The following SPECC1 variants were observed in gnomAD, a reference collection of about 807,000 sequenced individuals.
The protein encoded by SPECC1 is sperm antigen with calponin homology and coiled-coil domains 1.
A neutral mutation model predicts 104.1 loss-of-function variants in SPECC1; 62 were observed. The observed-to-expected ratio is 0.60, with a 90% confidence interval of 0.49 to 0.74. The LOEUF (loss-of-function observed/expected upper bound fraction) is 0.74. Ranked by LOEUF, SPECC1 falls within the 30% of genes least tolerant of loss-of-function variation. The pLI, the probability that SPECC1 is intolerant of heterozygous loss-of-function variation, is 0.00. For missense variants in SPECC1, 1,306 were observed against 1,310.5 expected (o/e 1.00, Z 0.05); for synonymous variants, 513 against 501.6 (o/e 1.02, Z -0.30).
In SPECC1 at chr17:20,205,703, G is replaced by C. The variant is rs375826466; in HGVS notation, c.1654G>C (p.Gly552Arg). ...CTTGGAAGGGCTAAAAATGGAGAAT[G>C]GATCTTTGAAGTCTCATTTGCAGGG... ...VTLEGLKMEN[G>R]SLKSHLQGEK... The change falls in exon 4 of 15, where the codon GGA (glycine) becomes CGA (arginine). Residue 552 changes from glycine to arginine, a missense_variant. Coordinates refer to ENST00000395527, the MANE Select transcript of SPECC1 (RefSeq NM_001243439.2). The C allele has an allele frequency of 6.2e-6, 10 of 1,614,190 alleles. No individual in the cohort carries two copies. In the East Asian group the frequency reaches 2.0e-4, roughly 32 times the overall value.
intron 12 of SPECC1, among the ~76,000 whole-genome samples, chr17:20,281,192 G>C (rs2040759007): frequency 6.6e-6 from 1 of 152,170 alleles, no homozygotes; most frequent in African/African-American, 2.4e-5. Context: ...ATGTCAATTA[G>C]CCTGCGGTGA....
chr17:20,187,067 C>G (rs1287749890), intron 3 of SPECC1, among the ~76,000 whole-genome samples: 3 of 151,960 alleles, frequency 2.0e-5, no homozygotes, highest in African/African-American at 7.3e-5. Context: ...TTTTGGAATA[C>G]TTGCATTATA....
intron 2 of SPECC1, among the ~76,000 whole-genome samples, chr17:20,105,371 T>C (rs894303968): frequency 1.3e-5 from 2 of 152,206 alleles, no homozygotes; most frequent in African/African-American, 4.8e-5. Context: ...TTCTCCATTT[T>C]AGAATTGAGG....
chr17:20,021,660 G>GATATAT (rs34412987), intron 1 of SPECC1, among the ~76,000 whole-genome samples: 18 of 140,648 alleles, frequency 1.3e-4, no homozygotes, highest in African/African-American at 3.5e-4. Context: ...CCAAGGCTCT[G>GATATAT]ATATATATAT....
intron 3 of SPECC1, among the ~76,000 whole-genome samples, chr17:20,174,844 A>T (rs562811340): frequency 1.3e-5 from 2 of 151,756 alleles, no homozygotes; most frequent in Admixed American, 6.6e-5. Context: ...CTCCTTGCCG[A>T]CCTCACCAGG....
chr17:20,149,660 A>G (rs1567878435), intron 3 of SPECC1, among the ~76,000 whole-genome samples: 1 of 152,140 alleles, frequency 6.6e-6, no homozygotes, highest in South Asian at 2.1e-4. Flanking sequence ...TTTTGCTGTC[A>G]TATATCATAG....
chr17:20,186,127 T>G (rs2035258156), intron 3 of SPECC1, among the ~76,000 whole-genome samples: 1 of 152,204 alleles, frequency 6.6e-6, no homozygotes, highest in Admixed American at 6.5e-5. Flanking sequence ...CATGAGCCAC[T>G]GCACCCAGCT....
chr17:20,212,594 A>ACCTCCCACTGGGGTC (rs1248845173), intron 4 of SPECC1, among the ~76,000 whole-genome samples: 4 of 152,018 alleles, frequency 2.6e-5, no homozygotes, highest in Non-Finnish European at 5.9e-5. Flanking sequence ...TGATTCAATT[A>ACCTCCCACTGGGGTC]CCTCCCACTG....
intron 1 of SPECC1, among the ~76,000 whole-genome samples, chr17:20,024,559 A>T (rs781265591): frequency 2.6e-5 from 4 of 152,162 alleles, no homozygotes; most frequent in African/African-American, 9.7e-5. Flanking sequence ...TCTCTGTCTC[A>T]GAGGGAGATG....
At chr17:20,306,193 T>A in intron 14 of SPECC1, 111 bp downstream of exon 14, 1 of 981,658 alleles carries the variant, frequency 1.0e-6, no homozygotes, top group Non-Finnish European at 1.6e-6. Context: ...GCCGAAAGTC[T>A]GTTGCTCTCA....
chr17:20,256,087 C>T (rs2039820020), intron 10 of SPECC1, among the ~76,000 whole-genome samples: 1 of 151,912 alleles, frequency 6.6e-6, no homozygotes, highest in Admixed American at 6.6e-5. Flanking sequence ...CCGTGTTAGC[C>T]AGGATGGTCT....
chr17:20,117,367 C>G (rs2152532101), intron 3 of SPECC1, among the ~76,000 whole-genome samples: 1 of 151,622 alleles, frequency 6.6e-6, no homozygotes, highest in Non-Finnish European at 1.5e-5. Flanking sequence ...GACACAGAAG[C>G]CATAAAGGAA....
In SPECC1 at chr17:20,317,522, G is replaced by C. The variant is rs1461744673; in HGVS notation, c.*3457G>C. On this transcript the variant is annotated 3_prime_UTR_variant, in exon 15 of 15. Transcript: ENST00000395527. ...GATAAGCCTGCCTCAACCTCCCAAA[G>C]TGCTGGGACTACAGGGGTAAGCCAC... 5.4e-6 allele frequency: 1 copy of C among 185,986 alleles called. No homozygotes were observed. The highest frequency in any genetic ancestry group is 6.2e-5 in the Admixed American group (1 of 16,074). 11.5% of individuals were successfully genotyped at this position (185,986 alleles called of 1,614,324 possible). A position where few individuals can be genotyped will look rare whatever the true frequency, so the allele number is the denominator to read the frequency against.
chr17:20,174,788 G>C (rs1259815698), intron 3 of SPECC1, among the ~76,000 whole-genome samples: 2 of 152,036 alleles, frequency 1.3e-5, no homozygotes, highest in East Asian at 3.9e-4. Flanking sequence ...CATTCAGCCT[G>C]GCTGACTCAG....
intron 1 of SPECC1, among the ~76,000 whole-genome samples, chr17:20,046,068 A>G (rs1407814995): frequency 6.6e-6 from 1 of 150,752 alleles, no homozygotes; most frequent in Non-Finnish European, 1.5e-5. Context: ...CTGTACCTTA[A>G]TCTCCAGTTT....
intron 3 of SPECC1, among the ~76,000 whole-genome samples, chr17:20,142,529 T>C (rs1048991087): frequency 2.0e-5 from 3 of 152,228 alleles, no homozygotes; most frequent in Non-Finnish European, 2.9e-5. Flanking sequence ...CAGCATGTGC[T>C]ACCTCAAAGA....
intron 9 of SPECC1, among the ~76,000 whole-genome samples, chr17:20,248,845 G>A (rs529128786): frequency 6.0e-4 from 91 of 152,194 alleles, no homozygotes; most frequent in Non-Finnish European, 1.0e-3. Context: ...AATTTTACAT[G>A]TTTGTGTTGT....
chr17:20,147,937 G>T (rs1016545693), intron 3 of SPECC1, among the ~76,000 whole-genome samples: 42 of 152,198 alleles, frequency 2.8e-4, no homozygotes, highest in African/African-American at 9.6e-4. Context: ...ACTTGGGAGG[G>T]AGGCTGAGGT....
At chr17:20,293,791 G>A (rs954759723) in intron 12 of SPECC1, among the ~76,000 whole-genome samples, 1 of 152,154 alleles carries the variant, frequency 6.6e-6, no homozygotes, top group Non-Finnish European at 1.5e-5. Flanking sequence ...GCTTTAGTAG[G>A]CTTGGGAACT....
Sources: allele counts gnomAD v4.1 joint callset (sites outside exome capture counted in the v4.1 genomes callset), GRCh38; gene constraint gnomAD v4.1.1; transcripts MANE v1.5; gene names NCBI Gene and HGNC (gene_info 2026-07-23, HGNC 2026-07-21).